The following DPP10 variants were observed in gnomAD, a reference collection of about 807,000 sequenced individuals.
DPP10 encodes inactive dipeptidyl peptidase 10.
Under a neutral mutation model 120.9 loss-of-function variants are expected in DPP10, and 33 were observed. That is an observed-to-expected ratio of 0.27 (90% CI 0.21 to 0.37). DPP10 has a LOEUF of 0.37. DPP10 is among the 10% of genes least tolerant of loss of function. DPP10 has a pLI of 1.00. For missense variants in DPP10, 816 were observed against 942.8 expected, an observed-to-expected ratio of 0.87 and a Z score of 1.76; for synonymous variants, 337 against 326.1, an observed-to-expected ratio of 1.03 and a Z score of -0.36.
At chr2:115,714,759 G>T (rs560437549) in intron 7 of DPP10, among the ~76,000 whole-genome samples, 2 of 152,284 alleles carry the variant, frequency 1.3e-5, no homozygotes, top group East Asian at 3.9e-4. Context: ...GATGGGCGCC[G>T]TGGCTCAAGC....
At chr2:115,672,861 C>T (rs1156703296) in intron 5 of DPP10, among the ~76,000 whole-genome samples, 2 of 151,782 alleles carry the variant, frequency 1.3e-5, no homozygotes, top group Admixed American at 6.6e-5. Context: ...ATTCTCATGC[C>T]TCAGCCTCCT....
At chr2:114,980,779 C>T (rs1264679269) in intron 1 of DPP10, among the ~76,000 whole-genome samples, 1 of 152,092 alleles carries the variant, frequency 6.6e-6, no homozygotes, top group Non-Finnish European at 1.5e-5. Flanking sequence ...GCATGAGCCA[C>T]TGCACCCCAC....
chr2:115,275,595 T>C (rs2059879962), intron 1 of DPP10, among the ~76,000 whole-genome samples: 2 of 152,076 alleles, frequency 1.3e-5, no homozygotes, highest in Non-Finnish European at 2.9e-5. Context: ...CTTTCTTCTT[T>C]TTTTGGATAT....
intron 5 of DPP10, among the ~76,000 whole-genome samples, chr2:115,550,587 C>G (rs1397024477): frequency 6.6e-6 from 1 of 152,082 alleles, no homozygotes; most frequent in Non-Finnish European, 1.5e-5. Context: ...TTAGTTTTTG[C>G]ATGAAATTTA....
rs745310334 is a variant in DPP10, at chr2:115,780,920, T to G, written c.1408T>G (p.Phe470Val). The G allele has an allele frequency of 1.9e-5, 30 of 1,604,922 alleles. No homozygotes were observed. The highest frequency in any genetic ancestry group is 2.3e-5 in the Non-Finnish European group (27 of 1,174,104). ...LLNRQCISCN[F>V]MKEQCTYFDA... The stretch of plus-strand genomic sequence containing the variant: ...GAATCGCCAATGCATTTCATGTAAT[T>G]TCATGAAAGAACAATGTACATATTT... Residue 470 changes from phenylalanine to valine, a missense_variant, in exon 16 of 26, where the codon TTC (phenylalanine) becomes GTC (valine). Physicochemically the swap from Phe to Val is conservative, Grantham distance 50. This residue lies in a region of DPP10 where 592 missense variants were observed against 649.0 expected (regional missense o/e 0.91). Coordinates refer to ENST00000410059, the MANE Select transcript of DPP10 (RefSeq NM_020868.6).
chr2:114,858,625 T>G (rs1252311385), intron 1 of DPP10, among the ~76,000 whole-genome samples: 1 of 152,152 alleles, frequency 6.6e-6, no homozygotes, highest in African/African-American at 2.4e-5. Flanking sequence ...GAAACAGAGT[T>G]TCATGATCCA....
intron 1 of DPP10, among the ~76,000 whole-genome samples, chr2:114,664,832 C>G (rs1402629581): frequency 6.7e-6 from 1 of 149,614 alleles, no homozygotes; most frequent in Admixed American, 6.6e-5. Flanking sequence ...CAAAAGATGG[C>G]AGAGAGCATC....
intron 1 of DPP10, among the ~76,000 whole-genome samples, chr2:115,030,397 T>C (rs951607974): frequency 1.3e-5 from 2 of 152,194 alleles, no homozygotes; most frequent in Non-Finnish European, 2.9e-5. Flanking sequence ...AACTACATTT[T>C]GTCTCCTAGA....
intron 1 of DPP10, among the ~76,000 whole-genome samples, chr2:114,479,997 T>C (rs1263825098): frequency 2.0e-5 from 3 of 151,956 alleles, no homozygotes; most frequent in Non-Finnish European, 4.4e-5. Context: ...GAATCTACAA[T>C]GAACTCAAAC....
At chr2:114,884,682 A>G (rs1056938299) in intron 1 of DPP10, among the ~76,000 whole-genome samples, 3 of 151,944 alleles carry the variant, frequency 2.0e-5, no homozygotes, top group African/African-American at 7.3e-5. Context: ...ACTGTACCCA[A>G]TGTCTAGCCT....
chr2:115,264,261 T>C (rs2059370876), intron 1 of DPP10, among the ~76,000 whole-genome samples: 1 of 152,230 alleles, frequency 6.6e-6, no homozygotes, highest in Non-Finnish European at 1.5e-5. Flanking sequence ...AAAATGTCAA[T>C]TGACTAACCA....
intron 1 of DPP10, among the ~76,000 whole-genome samples, chr2:115,141,889 T>A (rs2050946090): frequency 6.6e-6 from 1 of 152,178 alleles, no homozygotes; most frequent in Non-Finnish European, 1.5e-5. Context: ...TTCTTGTGCC[T>A]CAGCCTCCCG....
intron 10 of DPP10, among the ~76,000 whole-genome samples, chr2:115,746,863 G>T (rs1358881065): frequency 6.6e-6 from 1 of 152,156 alleles, no homozygotes; most frequent in East Asian, 1.9e-4. Flanking sequence ...CTAGAGATGG[G>T]ATAGGCAGCT....
intron 3 of DPP10, among the ~76,000 whole-genome samples, chr2:115,347,965 T>TAA (rs1383062424): frequency 2.0e-5 from 3 of 152,112 alleles, no homozygotes; most frequent in Non-Finnish European, 4.4e-5. Flanking sequence ...GTCTTTATAG[T>TAA]AAAATGATTT....
intron 1 of DPP10, among the ~76,000 whole-genome samples, chr2:114,464,792 G>C (rs1295549827): frequency 6.6e-6 from 1 of 152,122 alleles, no homozygotes; most frequent in Admixed American, 6.5e-5. Context: ...TTGAACCCAG[G>C]AGGCAGAGAT....
intron 1 of DPP10, among the ~76,000 whole-genome samples, chr2:114,985,046 T>C (rs982553966): frequency 6.6e-6 from 1 of 152,238 alleles, no homozygotes; most frequent in Non-Finnish European, 1.5e-5. Context: ...TTCCCATATA[T>C]GTTAGAAGAA....
At chr2:114,468,469 G>A (rs1255235924) in intron 1 of DPP10, among the ~76,000 whole-genome samples, 8 of 149,448 alleles carry the variant, frequency 5.4e-5, no homozygotes, top group South Asian at 2.1e-4. Context: ...AATGGCAAGC[G>A]ATAGCTATCC....
intron 1 of DPP10, among the ~76,000 whole-genome samples, chr2:115,172,955 C>G (rs1415205033): frequency 1.3e-5 from 2 of 152,120 alleles, no homozygotes; most frequent in Non-Finnish European, 1.5e-5. Context: ...CTCCTGACTC[C>G]AAAGCAAACA....
chr2:114,820,267 C>T (rs1685979426), intron 1 of DPP10, among the ~76,000 whole-genome samples: 2 of 152,188 alleles, frequency 1.3e-5, no homozygotes, highest in South Asian at 2.1e-4. Context: ...AATTGGGACC[C>T]AATGCATGCC....
Sources: allele counts gnomAD v4.1 joint callset (sites outside exome capture counted in the v4.1 genomes callset), GRCh38; gene constraint gnomAD v4.1.1; regional missense constraint gnomAD v4.1.1; transcripts MANE v1.5; gene names NCBI Gene and HGNC (gene_info 2026-07-23, HGNC 2026-07-21).